PLD1: variants seen among roughly 807,000 people sequenced by gnomAD.
PLD1 encodes phospholipase D1.
In PLD1, 112 loss-of-function variants were observed where a neutral mutation model predicts 137.1. That is an observed-to-expected ratio of 0.82 (90% CI 0.70 to 0.96). The LOEUF is 0.96. Ranked by LOEUF, PLD1 falls within the 40% of genes least tolerant of loss-of-function variation. PLD1 has a pLI of 0.00. For missense variants in PLD1, 1,321 were observed against 1,342.0 expected (o/e 0.98, Z 0.24); for synonymous variants, 431 against 454.7 (o/e 0.95, Z 0.66).
rs748042548 is a variant in PLD1, at chr3:171,620,500, A to T, written c.2614T>A (p.Tyr872Asn). ...KAELGNQWIN[Y>N]ISFCGLRTHA... ...GTTCTAAGACCACAGAATGATATGT[A>T]ATTTATCCACTGATTACCAACTGCA... is the stretch of plus-strand genomic sequence containing the variant. The change falls in exon 24 of 27, where the codon TAC (tyrosine) becomes AAC (asparagine). Residue 872 changes from tyrosine (Y) to asparagine (N), a missense_variant. Physicochemically the swap from Tyr to Asn is moderately radical, Grantham distance 143. Coordinates refer to ENST00000351298, the MANE Select transcript of PLD1 (RefSeq NM_002662.5). The T allele has an allele frequency of 6.3e-7, 1 of 1,588,962 alleles. No homozygotes were observed. Among genetic ancestry groups the T allele is most frequent in the Non-Finnish European group, 8.6e-7 (1 of 1,159,524 alleles).
At chr3:171,778,190 G>C (rs1281193534) in intron 1 of PLD1, among the ~76,000 whole-genome samples, 2 of 152,140 alleles carry the variant, frequency 1.3e-5, no homozygotes, top group African/African-American at 4.8e-5. Flanking sequence ...ATATGAATTA[G>C]ATACAATTAT....
intron 19 of PLD1, among the ~76,000 whole-genome samples, chr3:171,672,339 T>C (rs946212925): frequency 2.0e-5 from 3 of 152,154 alleles, no homozygotes; most frequent in African/African-American, 7.2e-5. Context: ...TTAGTAAACA[T>C]ATGTTGGCTG....
intron 6 of PLD1, among the ~76,000 whole-genome samples, chr3:171,726,525 G>T (rs749094132): frequency 1.3e-5 from 2 of 152,130 alleles, no homozygotes; most frequent in Admixed American, 1.3e-4. Flanking sequence ...TGAATGGGGG[G>T]CTAGAACAGA....
chr3:171,759,672 G>A (rs953979341), intron 1 of PLD1, among the ~76,000 whole-genome samples: 1 of 152,254 alleles, frequency 6.6e-6, no homozygotes, highest in Non-Finnish European at 1.5e-5. Flanking sequence ...ACACGTTTGT[G>A]TATGTACGTG....
At chr3:171,768,323 A>T (rs2108325444) in intron 1 of PLD1, among the ~76,000 whole-genome samples, 1 of 152,318 alleles carries the variant, frequency 6.6e-6, no homozygotes, top group East Asian at 1.9e-4. Flanking sequence ...ATGTGCACAC[A>T]AGCACCTGGT....
In PLD1 at chr3:171,607,750, T is replaced by C. The variant is rs552045306; in HGVS notation, c.2883-2334A>G. Reference sequence around the variant, plus strand: ...CACTTTAAATGATTCTGAGTCCTAATTGTGTGGACAATGGTTTCTCTTGAG... The same window carrying C: ...CACTTTAAATGATTCTGAGTCCTAACTGTGTGGACAATGGTTTCTCTTGAG... On this transcript the variant is annotated intron_variant, in intron 25 of 26. Coordinates refer to ENST00000351298, the MANE Select transcript of PLD1 (RefSeq NM_002662.5). 4.6e-5 allele frequency among the ~76,000 whole-genome samples: 7 copies of C among 152,322 alleles called. No homozygotes were observed. The East Asian group carries it at 1.3e-3, about 29-fold the overall frequency.
chr3:171,609,640 T>C (rs1732500196), intron 25 of PLD1, among the ~76,000 whole-genome samples: 2 of 151,662 alleles, frequency 1.3e-5, no homozygotes, highest in Admixed American at 6.6e-5. Flanking sequence ...TTATCCTAAA[T>C]GAAATAACAG....
chr3:171,792,820 T>C (rs1195642493), intron 1 of PLD1: 2 of 421,210 alleles, frequency 4.7e-6, no homozygotes, highest in Admixed American at 2.6e-5. Flanking sequence ...TGACTCCTTT[T>C]GGCATAAATC....
chr3:171,761,306 A>C (rs1721374836), intron 1 of PLD1, among the ~76,000 whole-genome samples: 1 of 152,142 alleles, frequency 6.6e-6, no homozygotes, highest in African/African-American at 2.4e-5. Context: ...GCCATCCAAC[A>C]GTTAAAAGGC....
chr3:171,742,808 G>A (rs1719879226), intron 1 of PLD1, among the ~76,000 whole-genome samples: 1 of 152,030 alleles, frequency 6.6e-6, no homozygotes, highest in Admixed American at 6.5e-5. Flanking sequence ...AATATAATAC[G>A]ACTTGGATAA....
intron 22 of PLD1, among the ~76,000 whole-genome samples, chr3:171,643,513 T>C (rs1275707679): frequency 1.5e-5 from 2 of 130,610 alleles, no homozygotes; most frequent in Non-Finnish European, 3.0e-5. Flanking sequence ...TGAGAAATGC[T>C]ATTATTAAAG....
intron 21 of PLD1, among the ~76,000 whole-genome samples, chr3:171,657,871 G>C (rs1737345551): frequency 6.6e-6 from 1 of 151,888 alleles, no homozygotes; most frequent in Non-Finnish European, 1.5e-5. Flanking sequence ...AAAGTAAAAA[G>C]ACAAGCCATC....
intron 11 of PLD1, among the ~76,000 whole-genome samples, chr3:171,700,402 C>T (rs1159972531): frequency 6.6e-6 from 1 of 151,612 alleles, no homozygotes; most frequent in Non-Finnish European, 1.5e-5. Flanking sequence ...GCTCTCTCTC[C>T]CTCTCTCTCA....
At chr3:171,699,965 T>C in intron 11 of PLD1, 139 bp from the exon 12 acceptor site, 1 of 687,628 alleles carries the variant, frequency 1.5e-6, no homozygotes, top group South Asian at 1.8e-5. Context: ...AAAGCTTTAC[T>C]ATGAGTCTAG....
chr3:171,629,482 T>A (rs1322728432), intron 23 of PLD1, among the ~76,000 whole-genome samples: 1 of 152,172 alleles, frequency 6.6e-6, no homozygotes, highest in African/African-American at 2.4e-5. Flanking sequence ...AAGCTACCAA[T>A]GACTTTCTTC....
intron 1 of PLD1, among the ~76,000 whole-genome samples, chr3:171,799,240 A>G (rs1464917973): frequency 1.3e-5 from 2 of 150,178 alleles, no homozygotes; most frequent in Non-Finnish European, 3.0e-5. Flanking sequence ...TCAGGAGGCT[A>G]AGGCAGGAGA....
rs1393845923 is a variant in PLD1 at position 171,692,300 on chromosome 3, G to A, written c.1338+32C>T. On this transcript the variant is annotated intron_variant, in intron 13 of 26. Coordinates refer to ENST00000351298, the MANE Select transcript of PLD1 (RefSeq NM_002662.5). ...TGAAAAAATCCTATAGAATAATAAA[G>A]AAACATTGGTTATCAAGATGAACCT... The A allele has an allele frequency of 1.6e-5, 16 of 1,013,138 alleles. No individual in the cohort carries two copies. The Admixed American group carries it at 2.5e-4, about 16-fold the overall frequency. The allele number at this position is 1,013,138 out of a possible 1,614,324, so 62.8% of individuals were successfully genotyped here. A position where few individuals can be genotyped will look rare whatever the true frequency, so the allele number is the denominator to read the frequency against.
At chr3:171,624,801 AT>A (rs1479438717) in intron 23 of PLD1, among the ~76,000 whole-genome samples, 1 of 152,212 alleles carries the variant, frequency 6.6e-6, no homozygotes, top group East Asian at 1.9e-4. Flanking sequence ...TATGCAGTAT[AT>A]TTTTTTGTGA....
intron 11 of PLD1, among the ~76,000 whole-genome samples, chr3:171,700,568 T>C (rs1157877109): frequency 1.3e-5 from 2 of 152,216 alleles, no homozygotes; most frequent in African/African-American, 4.8e-5. Flanking sequence ...AACTTTAGAC[T>C]TAACATTAAA....
Sources: allele counts gnomAD v4.1 joint callset (sites outside exome capture counted in the v4.1 genomes callset), GRCh38; gene constraint gnomAD v4.1.1; transcripts MANE v1.5; gene names NCBI Gene and HGNC (gene_info 2026-07-23, HGNC 2026-07-21).